The following DAB1 variants were observed in gnomAD, a reference collection of about 807,000 sequenced individuals.
The protein encoded by DAB1 is DAB adaptor protein 1.
DAB1 carries 15 observed loss-of-function variants against 64.6 expected under a neutral mutation model. The ratio of observed to expected loss-of-function variants is 0.23; its 90% confidence interval spans 0.16 to 0.36. The LOEUF (loss-of-function observed/expected upper bound fraction) is 0.36. Ranked by LOEUF, DAB1 falls within the 10% of genes least tolerant of loss-of-function variation. The pLI is 1.00. For synonymous variants in DAB1, 235 were observed against 251.9 expected, an observed-to-expected ratio of 0.93 and a Z score of 0.64; for missense variants, 596 against 706.7, an observed-to-expected ratio of 0.84 and a Z score of 1.78.
rs546219572 is a variant in DAB1, at chr1:57,657,042, A to C, written n.552-7377T>G. Among the ~76,000 whole-genome samples the C allele has an allele frequency of 6.6e-5, 10 of 152,366 alleles. No homozygotes were observed. In the South Asian group the frequency reaches 1.9e-3, roughly 28 times the overall value. ...TATATGTATTTGCAAAAGATCTCCA[A>C]GACATCTCCATGCTCTGGCACCTGC... On this transcript the variant is annotated intron_variant and non_coding_transcript_variant, in intron 6 of 20. Transcript: ENST00000485760.
chr1:58,260,763 C>T (rs1327486563), intron 4 of DAB1, among the ~76,000 whole-genome samples: 1 of 152,200 alleles, frequency 6.6e-6, no homozygotes, highest in East Asian at 1.9e-4. Flanking sequence ...GCTCATCTTT[C>T]AAAAATTAGC....
chr1:57,014,837 G>C, intron 12 of DAB1, 46 bp downstream of exon 12: 1 of 1,485,174 alleles, frequency 6.7e-7, no homozygotes, highest in Non-Finnish European at 9.0e-7. Context: ...CCAGACATGA[G>C]TTACGGCTCT....
chr1:58,013,901 T>C (rs1646704053), intron 5 of DAB1, among the ~76,000 whole-genome samples: 1 of 151,716 alleles, frequency 6.6e-6, no homozygotes, highest in Admixed American at 6.6e-5. Context: ...TTCTTTTTTT[T>C]TTTTTTCTTT....
At chr1:58,298,742 T>C (rs1662048991) in intron 4 of DAB1, among the ~76,000 whole-genome samples, 1 of 152,236 alleles carries the variant, frequency 6.6e-6, no homozygotes, top group South Asian at 2.1e-4. Context: ...ACTCTGAGAC[T>C]GAGACAGGCC....
At chr1:58,157,078 C>A (rs1557675301) in intron 4 of DAB1, among the ~76,000 whole-genome samples, 2 of 152,114 alleles carry the variant, frequency 1.3e-5, no homozygotes, top group Non-Finnish European at 2.9e-5. Flanking sequence ...ATCACTAAAG[C>A]ATCCCACGTC....
At chr1:57,505,375 A>G (rs1644332269) in intron 7 of DAB1, among the ~76,000 whole-genome samples, 2 of 152,204 alleles carry the variant, frequency 1.3e-5, no homozygotes. Flanking sequence ...GCCTTAAGTC[A>G]TAGTTAATAA....
At chr1:57,133,044 C>A (rs775688376) in intron 4 of DAB1, among the ~76,000 whole-genome samples, 1 of 152,140 alleles carries the variant, frequency 6.6e-6, no homozygotes, top group Non-Finnish European at 1.5e-5. Context: ...CTGGCTTTCC[C>A]ATCTGCCAAA....
At chr1:58,497,956 T>C (rs1645832649) in intron 3 of DAB1, among the ~76,000 whole-genome samples, 1 of 152,196 alleles carries the variant, frequency 6.6e-6, no homozygotes, top group African/African-American at 2.4e-5. Context: ...AAAGCTTCCA[T>C]TTCCCTCTTG....
chr1:57,720,591 C>T (rs1482251750), intron 6 of DAB1, among the ~76,000 whole-genome samples: 2 of 152,142 alleles, frequency 1.3e-5, no homozygotes, highest in South Asian at 4.1e-4. Context: ...GATATCCAGG[C>T]CTATTTCTTC....
At chr1:57,263,013 G>A (rs1390484462) in intron 2 of DAB1, among the ~76,000 whole-genome samples, 4 of 152,180 alleles carry the variant, frequency 2.6e-5, no homozygotes, top group South Asian at 2.1e-4. Flanking sequence ...GCTCATGGAC[G>A]TGAATGTCTC....
chr1:58,023,181 CA>C (rs60767011), intron 5 of DAB1, among the ~76,000 whole-genome samples: 60,521 of 151,620 alleles, frequency 0.4, 12,701 homozygotes, highest in East Asian at 0.65. Flanking sequence ...TAAAATCTTA[CA>C]AAAAATTTAA....
At chr1:57,218,370 CT>C (rs1321062354) in intron 2 of DAB1, among the ~76,000 whole-genome samples, 4 of 152,070 alleles carry the variant, frequency 2.6e-5, no homozygotes, top group African/African-American at 9.6e-5. Flanking sequence ...GCAGAATTAT[CT>C]TTTCTTTCCT....
In DAB1 at chr1:58,243,332, GA is replaced by G. The variant is rs61018521; in HGVS notation, n.310-92745del. Among the ~76,000 whole-genome samples, 52 of 151,252 alleles carry G rather than the reference GA, an allele frequency of 3.4e-4. 1 individual carries two copies. Among genetic ancestry groups the G allele is most frequent in the African/African-American group, 7.7e-4 (32 of 41,292 alleles). On this transcript the variant is annotated intron_variant and non_coding_transcript_variant, in intron 4 of 20. Transcript: ENST00000485760. ...CACCTATGACTCAGAGCTCATTTCAGAAAAAAAAATTGTTTTTATTTATTAA... is the reference window on the plus strand; with the variant it reads ...CACCTATGACTCAGAGCTCATTTCAGAAAAAAAATTGTTTTTATTTATTAA...
At chr1:57,632,577 G>C (rs1646002988) in intron 7 of DAB1, among the ~76,000 whole-genome samples, 1 of 152,144 alleles carries the variant, frequency 6.6e-6, no homozygotes, top group African/African-American at 2.4e-5. Flanking sequence ...GCACCAGGCA[G>C]ACACAGACAG....
intron 7 of DAB1, among the ~76,000 whole-genome samples, chr1:57,534,380 C>G (rs1644700977): frequency 6.6e-6 from 1 of 152,198 alleles, no homozygotes; most frequent in Non-Finnish European, 1.5e-5. Context: ...CATGAAGTCA[C>G]TCTCAAGGTG....
chr1:57,511,144 T>A (rs1644400517), intron 7 of DAB1, among the ~76,000 whole-genome samples: 1 of 152,142 alleles, frequency 6.6e-6, no homozygotes, highest in Admixed American at 6.5e-5. Flanking sequence ...CTCTAGACCC[T>A]CTAAAATCTA....
intron 3 of DAB1, among the ~76,000 whole-genome samples, chr1:58,373,119 A>C (rs1467980137): frequency 2.0e-5 from 3 of 151,906 alleles, no homozygotes; most frequent in Non-Finnish European, 2.9e-5. Flanking sequence ...AATAAAAATT[A>C]ATAAAGTTTA....
chr1:58,356,006 C>T (rs756764220), intron 3 of DAB1, among the ~76,000 whole-genome samples: 1 of 152,164 alleles, frequency 6.6e-6, no homozygotes, highest in Non-Finnish European at 1.5e-5. Flanking sequence ...AAGGAAAAAC[C>T]ACAGTACTCC....
intron 1 of DAB1, among the ~76,000 whole-genome samples, chr1:58,546,256 C>G (rs1646702456): frequency 6.6e-6 from 1 of 152,228 alleles, no homozygotes; most frequent in African/African-American, 2.4e-5. Flanking sequence ...GAGACGAATG[C>G]CCGACGCGCC....
Sources: gnomAD v4.1 joint callset for allele counts (sites outside exome capture counted in the v4.1 genomes callset) on GRCh38, gnomAD v4.1.1 for gene constraint, MANE v1.5 for transcripts, NCBI Gene and HGNC (gene_info 2026-07-23, HGNC 2026-07-21) for gene names.